PTPRD: variants seen among roughly 807,000 people sequenced by gnomAD.
PTPRD encodes receptor-type tyrosine-protein phosphatase delta.
A neutral mutation model predicts 214.5 loss-of-function variants in PTPRD; 34 were observed. The ratio of observed to expected loss-of-function variants is 0.16; its 90% CI spans 0.12 to 0.21. The LOEUF (loss-of-function observed/expected upper bound fraction) is 0.21, where lower values mean the gene tolerates loss of function less well. Among genes scored for constraint, PTPRD ranks in the 10% least tolerant of loss-of-function variants. PTPRD has a pLI of 1.00. For synonymous variants in PTPRD, 1,128 were observed against 845.7 expected (o/e 1.33, Z -5.79); for missense variants, 2,545 against 2,398.7 (o/e 1.06, Z -1.27).
chr9:9,636,472 T>C (rs1222760729), intron 7 of PTPRD, among the ~76,000 whole-genome samples: 1 of 152,044 alleles, frequency 6.6e-6, no homozygotes, highest in Non-Finnish European at 1.5e-5. Context: ...GTAGATACAG[T>C]TATATAGATA....
chr9:9,699,595 C>A (rs2154410899), intron 7 of PTPRD, among the ~76,000 whole-genome samples: 1 of 152,200 alleles, frequency 6.6e-6, no homozygotes, highest in Middle Eastern at 3.4e-3. Context: ...CTTAAAATAT[C>A]CCATTTCGGA....
At chr9:10,492,051 T>C (rs531465999) in intron 2 of PTPRD, among the ~76,000 whole-genome samples, 1 of 152,344 alleles carries the variant, frequency 6.6e-6, no homozygotes, top group South Asian at 2.1e-4. Flanking sequence ...ACTCATTGTT[T>C]TTTATGGCTG....
At chr9:8,511,426 C>A (rs750229982) in intron 21 of PTPRD, among the ~76,000 whole-genome samples, 3 of 151,024 alleles carry the variant, frequency 2.0e-5, no homozygotes, top group Admixed American at 6.6e-5. Context: ...CGGTTTCTCA[C>A]TGGTATTTTT....
intron 5 of PTPRD, among the ~76,000 whole-genome samples, chr9:9,913,271 G>A (rs369174577): frequency 1.4e-4 from 22 of 152,240 alleles, no homozygotes; most frequent in African/African-American, 5.3e-4. Context: ...CTTTGATAAG[G>A]AGTCTTGATA....
At chr9:8,327,503 T>TAA (rs2131299281) in intron 44 of PTPRD, among the ~76,000 whole-genome samples, 2 of 152,294 alleles carry the variant, frequency 1.3e-5, no homozygotes, top group South Asian at 4.1e-4. Context: ...GAAGAATGTA[T>TAA]AATTCTGTTG....
chr9:9,086,614 G>C (rs1365791530), intron 10 of PTPRD, among the ~76,000 whole-genome samples: 2 of 152,152 alleles, frequency 1.3e-5, no homozygotes, highest in Non-Finnish European at 2.9e-5. Context: ...GCTGTGGAAA[G>C]TGGGCTTAAA....
intron 7 of PTPRD, among the ~76,000 whole-genome samples, chr9:9,600,191 G>T (rs1592662436): frequency 1.3e-5 from 2 of 152,160 alleles, no homozygotes; most frequent in East Asian, 3.9e-4. Context: ...AGACTTTCTA[G>T]CAAGGTCTTT....
chr9:8,958,222 C>T (rs2099141685), intron 11 of PTPRD, among the ~76,000 whole-genome samples: 1 of 151,784 alleles, frequency 6.6e-6, no homozygotes, highest in Admixed American at 6.6e-5. Context: ...CTCATGATGC[C>T]TCATTTGCTT....
intron 9 of PTPRD, among the ~76,000 whole-genome samples, chr9:9,391,835 T>C (rs945831735): frequency 2.0e-5 from 3 of 152,190 alleles, no homozygotes; most frequent in African/African-American, 7.2e-5. Flanking sequence ...AAGTTTCTTC[T>C]ACACACCGTT....
intron 11 of PTPRD, among the ~76,000 whole-genome samples, chr9:8,797,856 T>C (rs542063748): frequency 3.4e-5 from 5 of 148,162 alleles, no homozygotes; most frequent in African/African-American, 1.3e-4. Context: ...TCTCAGAAAA[T>C]AAATTTAACA....
At chr9:9,347,929 A>G (rs148210572) in intron 9 of PTPRD, among the ~76,000 whole-genome samples, 1 of 152,168 alleles carries the variant, frequency 6.6e-6, no homozygotes, top group Non-Finnish European at 1.5e-5. Flanking sequence ...TCCTTTTCAG[A>G]CACATCATAG....
chr9:9,705,379 T>G (rs1469892957), intron 7 of PTPRD, among the ~76,000 whole-genome samples: 3 of 152,324 alleles, frequency 2.0e-5, no homozygotes, highest in East Asian at 3.9e-4. Flanking sequence ...ACCTAATATT[T>G]TGAAATATGA....
At chr9:9,935,308 T>C (rs978184639) in intron 5 of PTPRD, among the ~76,000 whole-genome samples, 3 of 152,152 alleles carry the variant, frequency 2.0e-5, no homozygotes, top group Non-Finnish European at 2.9e-5. Context: ...GAAGACATGA[T>C]TGTATATCTA....
chr9:10,153,813 T>C (rs2154280319), intron 3 of PTPRD, among the ~76,000 whole-genome samples: 1 of 152,188 alleles, frequency 6.6e-6, no homozygotes, highest in African/African-American at 2.4e-5. Context: ...AATGACATGA[T>C]CTTGTTCTTT....
intron 2 of PTPRD, among the ~76,000 whole-genome samples, chr9:10,432,671 A>G (rs951839288): frequency 4.6e-5 from 7 of 151,934 alleles, no homozygotes; most frequent in African/African-American, 9.7e-5. Context: ...TGATTAAAAC[A>G]CCAATGCCCT....
intron 36 of PTPRD, among the ~76,000 whole-genome samples, chr9:8,396,424 A>G (rs570237056): frequency 9.2e-5 from 14 of 152,296 alleles, no homozygotes; most frequent in African/African-American, 3.1e-4. Flanking sequence ...TCTATATTCT[A>G]AAAACAGAAC....
chr9:9,089,515 T>A (rs2099772429), intron 10 of PTPRD, among the ~76,000 whole-genome samples: 1 of 152,208 alleles, frequency 6.6e-6, no homozygotes, highest in Non-Finnish European at 1.5e-5. Context: ...AAATGCTCCA[T>A]GAAGCTTCTT....
chr9:9,455,959 G>C (rs1332807), intron 8 of PTPRD, among the ~76,000 whole-genome samples: 75,384 of 151,476 alleles, frequency 0.5, 19,212 homozygotes, highest in East Asian at 0.67. Flanking sequence ...GGCCAACCTT[G>C]AACAATCAAT....
chr9:10,555,191 G>A (rs1034107690), intron 2 of PTPRD, among the ~76,000 whole-genome samples: 6 of 152,088 alleles, frequency 3.9e-5, no homozygotes, highest in African/African-American at 1.4e-4. Context: ...AAAATGACCT[G>A]ATTCCAAATC....
Sources: allele counts gnomAD v4.1 joint callset (sites outside exome capture counted in the v4.1 genomes callset), GRCh38; gene constraint gnomAD v4.1.1; transcripts MANE v1.5; gene names NCBI Gene and HGNC (gene_info 2026-07-23, HGNC 2026-07-21).